The following SUGCT variants were observed in gnomAD, a reference collection of about 807,000 sequenced individuals.
SUGCT encodes the protein succinyl-CoA:glutarate-CoA transferase, also known as succinyl-CoA:glutarate CoA-transferase.
In SUGCT, 41 loss-of-function variants were observed where a neutral mutation model predicts 55.0. The observed-to-expected ratio is 0.74, with a 90% CI of 0.58 to 0.97. The LOEUF (loss-of-function observed/expected upper bound fraction) is 0.97, where lower values mean the gene tolerates loss of function less well. Among genes scored for constraint, SUGCT ranks in the 50% least tolerant of loss-of-function variants. SUGCT has a pLI of 0.00. For synonymous variants in SUGCT, 187 were observed against 200.4 expected, an observed-to-expected ratio of 0.93 and a Z score of 0.56; for missense variants, 568 against 547.8, an observed-to-expected ratio of 1.04 and a Z score of -0.37.
In SUGCT at chr7:40,463,746, C is replaced by CT. The variant is rs139253394; in HGVS notation, c.986+4554dup. 7.9e-4 allele frequency among the ~76,000 whole-genome samples: 121 copies of CT among 152,258 alleles called. 2 individuals are homozygous for CT. In the East Asian group the frequency reaches 0.02, roughly 25 times the overall value. On this transcript the variant is annotated intron_variant, in intron 11 of 13. Transcript: ENST00000335693. Reference sequence around the variant, plus strand: ...TCCCCAACCAGGGCTGTGAGCAAGTCTTTTTTATTAATCTAAAGGTAGAAG... The same window carrying CT: ...TCCCCAACCAGGGCTGTGAGCAAGTCTTTTTTTATTAATCTAAAGGTAGAAG...
At chr7:40,727,307 G>A (rs1266858517) in intron 12 of SUGCT, among the ~76,000 whole-genome samples, 2 of 152,138 alleles carry the variant, frequency 1.3e-5, no homozygotes, top group East Asian at 1.9e-4. Context: ...TTTCTAAGTC[G>A]CAGTTGTTGA....
At chr7:40,633,744 A>C (rs1324654052) in intron 12 of SUGCT, among the ~76,000 whole-genome samples, 3 of 152,242 alleles carry the variant, frequency 2.0e-5, no homozygotes, top group Non-Finnish European at 2.9e-5. Flanking sequence ...TTCATGTCCT[A>C]TGTGAGGAAT....
At chr7:40,710,276 G>A (rs1250716599) in intron 12 of SUGCT, among the ~76,000 whole-genome samples, 2 of 152,168 alleles carry the variant, frequency 1.3e-5, no homozygotes, top group African/African-American at 4.8e-5. Flanking sequence ...ACACAGAGGA[G>A]ATACATTTCT....
chr7:40,932,684 T>A, the SUGCT span, among the ~76,000 whole-genome samples: 1 of 152,174 alleles, frequency 6.6e-6, no homozygotes, highest in Non-Finnish European at 1.5e-5. Flanking sequence ...TGTAATGGCC[T>A]TCTTTGTCTC....
intron 12 of SUGCT, among the ~76,000 whole-genome samples, chr7:40,616,413 C>T (rs1470752451): frequency 1.3e-5 from 2 of 152,098 alleles, no homozygotes; most frequent in South Asian, 4.1e-4. Flanking sequence ...CCAGGCTGAC[C>T]GCAAGTGATC....
rs1389954141 is a variant in SUGCT at position 40,764,852 on chromosome 7, A to G, written c.1153+15355A>G. Reference sequence around the variant, plus strand: ...AGGAGTAAGATCACAGCTGGGACTCACACACAGTTCTTCCAAGCATGCCAC... The same window carrying G: ...AGGAGTAAGATCACAGCTGGGACTCGCACACAGTTCTTCCAAGCATGCCAC... On this transcript the variant is annotated intron_variant, in intron 13 of 13. Coordinates refer to ENST00000335693, the MANE Select transcript of SUGCT (RefSeq NM_001193313.2). Among the ~76,000 whole-genome samples, 4 of 152,260 alleles carry G rather than the reference A, an allele frequency of 2.6e-5. No homozygotes were observed. In the South Asian group the frequency reaches 6.2e-4, roughly 24 times the overall value.
chr7:40,670,191 A>AAG (rs1801866994), intron 12 of SUGCT, among the ~76,000 whole-genome samples: 2 of 148,784 alleles, frequency 1.3e-5, no homozygotes, highest in Non-Finnish European at 3.0e-5. Context: ...AAAAAAAAAA[A>AAG]AAGAAGAAGA....
rs767242734 is a variant in SUGCT at position 40,496,241 on chromosome 7, A to G, written c.987-43A>G. The G allele has an allele frequency of 3.0e-6, 4 of 1,320,334 alleles. No homozygotes were observed. The South Asian group carries it at 4.9e-5, about 16-fold the overall frequency. The allele number at this position is 1,320,334 out of a possible 1,614,324, so 81.8% of individuals were successfully genotyped here. A position where few individuals can be genotyped will look rare whatever the true frequency, so the allele number is the denominator to read the frequency against. On this transcript the variant is annotated intron_variant, in intron 11 of 13. Coordinates refer to ENST00000335693, the MANE Select transcript of SUGCT (RefSeq NM_001193313.2). ...CACATGATAGAAGAGGCTGTGTTACATTCCTTCCTGTGTAAAAAATTTATC... is the reference window on the plus strand; with the variant it reads ...CACATGATAGAAGAGGCTGTGTTACGTTCCTTCCTGTGTAAAAAATTTATC...
At chr7:40,295,202 AT>A (rs965719802) in intron 8 of SUGCT, among the ~76,000 whole-genome samples, 15 of 150,548 alleles carry the variant, frequency 1.0e-4, no homozygotes, top group East Asian at 5.8e-4. Context: ...TAATAAGTAA[AT>A]TTTTTTTTTG....
intron 12 of SUGCT, among the ~76,000 whole-genome samples, chr7:40,560,900 A>G (rs1461682475): frequency 1.3e-5 from 2 of 152,246 alleles, no homozygotes; most frequent in East Asian, 1.9e-4. Flanking sequence ...TTGCTGTATT[A>G]GAGTATAGCA....
chr7:40,252,157 CA>C (rs1790470671), intron 7 of SUGCT, among the ~76,000 whole-genome samples: 1 of 152,212 alleles, frequency 6.6e-6, no homozygotes, highest in South Asian at 2.1e-4. Context: ...TTTTTTGAGA[CA>C]GGGTCTCATT....
At chr7:40,291,963 G>A (rs1350956294) in intron 8 of SUGCT, among the ~76,000 whole-genome samples, 1 of 152,184 alleles carries the variant, frequency 6.6e-6, no homozygotes, top group East Asian at 1.9e-4. Context: ...TCGACACCTT[G>A]ACATTAGCCC....
At chr7:40,659,631 A>G (rs1282922346) in intron 12 of SUGCT, among the ~76,000 whole-genome samples, 3 of 152,238 alleles carry the variant, frequency 2.0e-5, no homozygotes, top group African/African-American at 4.8e-5. Context: ...CTTGTGGGTC[A>G]TATTGCAGGC....
chr7:40,795,366 C>T lies in SUGCT; in HGVS notation c.1153+45869C>T, dbSNP rs547278415. Reference sequence around the variant, plus strand: ...CTTGCAAAACTATTTCCAGTAGGACCCCATCCTCAAATTGAAATGTGTTTA... The same window carrying T: ...CTTGCAAAACTATTTCCAGTAGGACTCCATCCTCAAATTGAAATGTGTTTA... On this transcript the variant is annotated intron_variant, in intron 13 of 13. Coordinates refer to ENST00000335693, the MANE Select transcript of SUGCT (RefSeq NM_001193313.2). 2.6e-5 allele frequency among the ~76,000 whole-genome samples: 4 copies of T among 152,188 alleles called. No individual in the cohort carries two copies. The South Asian group carries it at 8.3e-4, about 32-fold the overall frequency.
At chr7:40,559,111 A>C (rs1314714890) in intron 12 of SUGCT, among the ~76,000 whole-genome samples, 1 of 152,234 alleles carries the variant, frequency 6.6e-6, no homozygotes, top group Non-Finnish European at 1.5e-5. Flanking sequence ...ACCATAAAGC[A>C]GTCTGAACCT....
the SUGCT span, among the ~76,000 whole-genome samples, chr7:41,010,511 AGC>A: frequency 6.6e-6 from 1 of 152,224 alleles, no homozygotes. Context: ...GAGGCCTTGA[AGC>A]GGAAATTGAG....
At chr7:40,894,468 G>A in the SUGCT span, among the ~76,000 whole-genome samples, 1 of 152,112 alleles carries the variant, frequency 6.6e-6, no homozygotes, top group African/African-American at 2.4e-5. Context: ...TTGACAAATG[G>A]GATCTAGTTA....
chr7:40,470,086 T>C (rs987076672), intron 11 of SUGCT, among the ~76,000 whole-genome samples: 6 of 152,096 alleles, frequency 3.9e-5, no homozygotes, highest in African/African-American at 1.4e-4. Flanking sequence ...AAAGGCCTTC[T>C]TTTTTGGGAG....
chr7:40,363,170 A>C (rs1322491496), intron 9 of SUGCT, among the ~76,000 whole-genome samples: 2 of 151,736 alleles, frequency 1.3e-5, no homozygotes, highest in African/African-American at 2.4e-5. Context: ...CCCCTTTATC[A>C]TTTTTTATTG....
Sources: allele counts gnomAD v4.1 joint callset (sites outside exome capture counted in the v4.1 genomes callset), GRCh38; gene constraint gnomAD v4.1.1; transcripts MANE v1.5; gene names NCBI Gene and HGNC (gene_info 2026-07-23, HGNC 2026-07-21).